Variants in SLC20A2 observed in about 807,000 individuals in gnomAD.
SLC20A2 encodes the protein solute carrier family 20 member 2.
SLC20A2 carries 30 observed loss-of-function variants against 61.0 expected under a neutral mutation model. That is an observed-to-expected ratio of 0.49 (90% CI 0.37 to 0.67). The LOEUF (loss-of-function observed/expected upper bound fraction) is 0.67, where lower values mean the gene tolerates loss of function less well. Among genes scored for constraint, SLC20A2 ranks in the 30% least tolerant of loss-of-function variants. The probability of loss-of-function intolerance (pLI) is 0.00; values close to 1 mark genes in which losing one functional copy is unlikely to be tolerated. For missense variants in SLC20A2, 626 were observed against 866.4 expected, an observed-to-expected ratio of 0.72 and a Z score of 3.48; for synonymous variants, 351 against 353.3, an observed-to-expected ratio of 0.99 and a Z score of 0.07.
chr8:42,519,994 CT>C (rs1453765127), intron 1 of SLC20A2, among the ~76,000 whole-genome samples: 2 of 147,050 alleles, frequency 1.4e-5, no homozygotes, highest in African/African-American at 5.0e-5. Flanking sequence ...AATTTCCCAA[CT>C]CTTTATGCTA....
At chr8:42,443,279 A>T (rs1316674511) in intron 6 of SLC20A2, among the ~76,000 whole-genome samples, 24 of 122,528 alleles carry the variant, frequency 2.0e-4, no homozygotes, top group African/African-American at 5.9e-4. Context: ...ATATATATAT[A>T]TATATATATA....
At position 42,439,608 on chromosome 8, in the gene SLC20A2, C is replaced by T; in HGVS notation, c.776G>A (p.Ser259Asn). The change falls in exon 7 of 11, where the codon AGC becomes AAC. Residue 259 changes from serine (S) to asparagine (N), a missense_variant. Ser to Asn is a conservative substitution (Grantham distance 46). Around this residue, in one of 3 missense-constraint regions of SLC20A2, gnomAD observed 361 missense variants for 422.3 expected, o/e 0.85. Transcript: ENST00000520262. ...CTCTGCTTCCTGAACCTTACTGAGGCTTTCGTCAGATACTCGTGATAAAGC... is the reference window on the plus strand; with the variant it reads ...CTCTGCTTCCTGAACCTTACTGAGGTTTTCGTCAGATACTCGTGATAAAGC... ...EGALSRVSDE[S>N]LSKVQEAESP... 1 of 1,614,210 alleles carries T rather than the reference C, an allele frequency of 6.2e-7. No individual in the cohort carries two copies. The highest frequency in any genetic ancestry group is 8.5e-7 in the Non-Finnish European group (1 of 1,180,042).
intron 5 of SLC20A2, among the ~76,000 whole-genome samples, chr8:42,449,324 G>A (rs1026346616): frequency 2.6e-5 from 4 of 152,178 alleles, no homozygotes; most frequent in Non-Finnish European, 5.9e-5. Context: ...AATGTCAAGC[G>A]CCTTTCATTT....
At chr8:42,486,673 A>G (rs1240412102) in intron 1 of SLC20A2, among the ~76,000 whole-genome samples, 1 of 152,186 alleles carries the variant, frequency 6.6e-6, no homozygotes, top group African/African-American at 2.4e-5. Context: ...TCAGCTGTCC[A>G]TCTTACTTGA....
upstream of SLC20A2, among the ~76,000 whole-genome samples, chr8:42,501,698 T>G (rs1810330988): frequency 6.6e-6 from 1 of 152,266 alleles, no homozygotes; most frequent in Non-Finnish European, 1.5e-5. Context: ...TTTCTGGCTC[T>G]GCCTCCTCCT....
chr8:42,540,486 ATAGAAT>A (rs1249127079), intron 1 of SLC20A2, among the ~76,000 whole-genome samples: 5 of 152,228 alleles, frequency 3.3e-5, no homozygotes, highest in African/African-American at 1.2e-4. Flanking sequence ...ACTAAATGTT[ATAGAAT>A]TATATGTATG....
At chr8:42,441,040 C>T (rs551249309) in intron 6 of SLC20A2, among the ~76,000 whole-genome samples, 3 of 152,190 alleles carry the variant, frequency 2.0e-5, no homozygotes, top group South Asian at 2.1e-4. Flanking sequence ...ACCTCGTGAA[C>T]TGCTCGCCTC....
At position 42,465,932 on chromosome 8, in the gene SLC20A2, ACAAAAAACCAT is replaced by A; in HGVS notation, c.290-26_290-16del. The A allele has an allele frequency of 8.1e-6, 13 of 1,604,882 alleles. No homozygotes were observed. The highest frequency in any genetic ancestry group is 1.1e-5 in the Non-Finnish European group (13 of 1,177,630). On this transcript the variant is annotated splice_polypyrimidine_tract_variant and intron_variant, in intron 2 of 10. Transcript: ENST00000520262. The stretch of plus-strand genomic sequence containing the variant: ...CACAGCGGAACCTACAGATTGAAGG[ACAAAAAACCAT>A]CAGATACAGAGTACAGAGGTGCAGA...
chr8:42,521,866 C>T lies in SLC20A2; in HGVS notation c.-265+19955G>A, dbSNP rs994160238. On this transcript the variant is annotated intron_variant, in intron 1 of 10. Transcript: ENST00000342228. ...ATTGTACAGAACTATGGACACGCTTCACCAATGAGTGCATGTAAAACAGGG... is the reference window on the plus strand; with the variant it reads ...ATTGTACAGAACTATGGACACGCTTTACCAATGAGTGCATGTAAAACAGGG... 1.5e-4 allele frequency among the ~76,000 whole-genome samples: 18 copies of T among 120,862 alleles called. 1 individual carries two copies. Among genetic ancestry groups the T allele is most frequent in the African/African-American group, 4.6e-4 (18 of 39,370 alleles). The allele number at this position is 120,862 out of a possible 152,430, so 79.3% of individuals were successfully genotyped here. A position where few individuals can be genotyped will look rare whatever the true frequency, so the allele number is the denominator to read the frequency against.
upstream of SLC20A2, among the ~76,000 whole-genome samples, chr8:42,503,058 G>C (rs1453822742): frequency 6.6e-6 from 1 of 152,178 alleles, no homozygotes; most frequent in Non-Finnish European, 1.5e-5. Flanking sequence ...GGAAGGCAGG[G>C]GCCCCTGAGC....
At chr8:42,424,323 G>C (rs566008345) in intron 10 of SLC20A2, among the ~76,000 whole-genome samples, 3 of 151,706 alleles carry the variant, frequency 2.0e-5, no homozygotes, top group African/African-American at 7.3e-5. Flanking sequence ...CTTTTTTTGG[G>C]GGGTGCGGGG....
chr8:42,449,559 T>C (rs1401822646), intron 5 of SLC20A2, among the ~76,000 whole-genome samples: 1 of 152,212 alleles, frequency 6.6e-6, no homozygotes, highest in African/African-American at 2.4e-5. Context: ...ATAAAACTTA[T>C]ATGGGACCAA....
intron 6 of SLC20A2, among the ~76,000 whole-genome samples, chr8:42,441,459 T>C (rs1167776955): frequency 6.8e-6 from 1 of 146,296 alleles, no homozygotes; most frequent in Non-Finnish European, 1.5e-5. Flanking sequence ...GGCTATTTTG[T>C]TCTTTTTGTT....
chr8:42,436,227 T>G (rs997328137), intron 8 of SLC20A2, among the ~76,000 whole-genome samples: 2 of 152,092 alleles, frequency 1.3e-5, no homozygotes, highest in Non-Finnish European at 2.9e-5. Flanking sequence ...CCTGCCTCAC[T>G]GCCCCAGTGC....
In SLC20A2 at chr8:42,456,615, C is replaced by T. The variant is rs552153988; in HGVS notation, c.613+3281G>A. On this transcript the variant is annotated intron_variant, in intron 5 of 10. Coordinates refer to ENST00000520262, the MANE Select transcript of SLC20A2 (RefSeq NM_001257180.2). ...GGCGTGGTGGCAGGCGCCAGTAATC[C>T]CAGCTACTTGGGAAGCTGAGGCAAG... Among the ~76,000 whole-genome samples, 18 of 151,662 alleles carry T rather than the reference C, an allele frequency of 1.2e-4. No individual in the cohort carries two copies. The South Asian group carries it at 3.8e-3, about 32-fold the overall frequency.
chr8:42,499,211 TCCGCACCTGGAC>T (rs1346577186), intron 1 of SLC20A2, among the ~76,000 whole-genome samples: 1 of 152,052 alleles, frequency 6.6e-6, no homozygotes, highest in African/African-American at 2.4e-5. Context: ...GCCCTGTTTC[TCCGCACCTGGAC>T]CCCCAGTGTG....
At chr8:42,491,389 C>T (rs1454196209) in intron 1 of SLC20A2, among the ~76,000 whole-genome samples, 1 of 152,102 alleles carries the variant, frequency 6.6e-6, no homozygotes, top group African/African-American at 2.4e-5. Context: ...CCTGTAATCC[C>T]AGCTACTCAA....
At chr8:42,484,870 C>A (rs1808846555) in intron 1 of SLC20A2, 1 of 386,608 alleles carries the variant, frequency 2.6e-6, no homozygotes, top group South Asian at 2.1e-5. Context: ...GGTCTACACG[C>A]AGCCACTGAG....
chr8:42,453,731 G>A (rs1223613161), intron 5 of SLC20A2, among the ~76,000 whole-genome samples: 1 of 152,140 alleles, frequency 6.6e-6, no homozygotes, highest in Non-Finnish European at 1.5e-5. Flanking sequence ...GAACAAAATG[G>A]TGGGACCTTC....
Sources: gnomAD v4.1 joint callset for allele counts (sites outside exome capture counted in the v4.1 genomes callset) on GRCh38, gnomAD v4.1.1 for gene constraint, gnomAD v4.1.1 regional missense constraint, MANE v1.5 for transcripts, NCBI Gene and HGNC (gene_info 2026-07-23, HGNC 2026-07-21) for gene names.